TENM3: variants seen among roughly 807,000 people sequenced by gnomAD.
TENM3 encodes teneurin transmembrane protein 3.
A neutral mutation model predicts 255.1 loss-of-function variants in TENM3; 63 were observed. That is an observed-to-expected ratio of 0.25 (90% CI 0.20 to 0.30). The LOEUF (loss-of-function observed/expected upper bound fraction) is 0.30, where lower values mean the gene tolerates loss of function less well. Ranked by LOEUF, TENM3 falls within the 10% of genes least tolerant of loss-of-function variation. TENM3 has a pLI of 1.00. For missense variants in TENM3, 2,929 were observed against 3,461.1 expected (o/e 0.85, Z 3.86); for synonymous variants, 1,306 against 1,322.3 (o/e 0.99, Z 0.27).
chr4:182,354,127 GC>G (rs1254939787), intron 3 of TENM3, among the ~76,000 whole-genome samples: 14 of 152,258 alleles, frequency 9.2e-5, no homozygotes, highest in Non-Finnish European at 2.1e-4. Flanking sequence ...TTTTCAGAAA[GC>G]TTGGCAGTTT....
At chr4:181,544,431 A>AAAAAAAAAAAAAAAAAAAAAAC in the TENM3 span, among the ~76,000 whole-genome samples, 2 of 143,230 alleles carry the variant, frequency 1.4e-5, no homozygotes, top group African/African-American at 5.2e-5. Flanking sequence ...AAAAAAAAAA[A>AAAAAAAAAAAAAAAAAAAAAAC]AAAAACTATA....
chr4:182,055,993 G>T, the TENM3 span, among the ~76,000 whole-genome samples: 1 of 152,002 alleles, frequency 6.6e-6, no homozygotes, highest in African/African-American at 2.4e-5. Flanking sequence ...CACAAAAATT[G>T]GTTTTATAAA....
intron 1 of TENM3, among the ~76,000 whole-genome samples, chr4:182,218,691 C>T (rs1441951417): frequency 2.0e-5 from 3 of 152,098 alleles, no homozygotes; most frequent in East Asian, 3.9e-4. Flanking sequence ...ATTATACAAC[C>T]TCATTGATGA....
chr4:181,871,284 A>C, the TENM3 span, among the ~76,000 whole-genome samples: 1 of 151,996 alleles, frequency 6.6e-6, no homozygotes, highest in Non-Finnish European at 1.5e-5. Context: ...TCTATAAAAG[A>C]GCTTTTTGAG....
At chr4:182,278,854 A>G (rs1760182588) in intron 1 of TENM3, among the ~76,000 whole-genome samples, 1 of 152,180 alleles carries the variant, frequency 6.6e-6, no homozygotes, top group Non-Finnish European at 1.5e-5. Flanking sequence ...GATTTAAGAC[A>G]AAACCCTATG....
intron 3 of TENM3, among the ~76,000 whole-genome samples, chr4:182,411,944 A>C (rs1447213894): frequency 6.6e-6 from 1 of 152,226 alleles, no homozygotes; most frequent in Non-Finnish European, 1.5e-5. Flanking sequence ...CAGGAACTGA[A>C]GCTGAAGTGA....
chr4:181,993,402 A>C, the TENM3 span, among the ~76,000 whole-genome samples: 1 of 152,202 alleles, frequency 6.6e-6, no homozygotes, highest in Non-Finnish European at 1.5e-5. Flanking sequence ...ATAGCTTATC[A>C]AACATAAAAA....
At chr4:182,302,667 G>A (rs994881020) in intron 1 of TENM3, among the ~76,000 whole-genome samples, 1 of 152,150 alleles carries the variant, frequency 6.6e-6, no homozygotes, top group African/African-American at 2.4e-5. Context: ...TAAGGAGCGT[G>A]TGATAAATTT....
chr4:182,338,912 G>A (rs1764305261), intron 2 of TENM3, among the ~76,000 whole-genome samples: 1 of 152,164 alleles, frequency 6.6e-6, no homozygotes, highest in Non-Finnish European at 1.5e-5. Context: ...AGTCTTGGAT[G>A]CCATTATAGT....
At chr4:181,510,022 C>T in the TENM3 span, among the ~76,000 whole-genome samples, 3 of 152,316 alleles carry the variant, frequency 2.0e-5, no homozygotes, top group African/African-American at 7.2e-5. Context: ...TCGGTGTCAA[C>T]ATTTAATTTC....
chr4:182,555,274 C>T (rs1019762895), intron 3 of TENM3, among the ~76,000 whole-genome samples: 1 of 151,962 alleles, frequency 6.6e-6, no homozygotes, highest in Non-Finnish European at 1.5e-5. Context: ...TGACAACTAT[C>T]ATAGAGGTTT....
upstream of TENM3, among the ~76,000 whole-genome samples, chr4:182,240,680 G>A (rs1757195578): frequency 1.3e-5 from 2 of 152,292 alleles, no homozygotes; most frequent in East Asian, 3.9e-4. Flanking sequence ...CACGAGAGCA[G>A]GGAAAGGCAG....
At chr4:181,867,232 A>G in the TENM3 span, among the ~76,000 whole-genome samples, 1 of 151,990 alleles carries the variant, frequency 6.6e-6, no homozygotes, top group Non-Finnish European at 1.5e-5. Flanking sequence ...CCTCTGAAAA[A>G]TTTCTTCAAT....
chr4:181,574,111 G>A, the TENM3 span, among the ~76,000 whole-genome samples: 2 of 152,216 alleles, frequency 1.3e-5, no homozygotes, highest in African/African-American at 2.4e-5. Flanking sequence ...CAGTTCCACA[G>A]CTAACTCTGA....
chr4:181,748,306 A>C, the TENM3 span, among the ~76,000 whole-genome samples: 1 of 152,166 alleles, frequency 6.6e-6, no homozygotes, highest in Admixed American at 6.5e-5. Flanking sequence ...TCTCTTTTGC[A>C]TTCTCCGGTA....
At chr4:181,630,342 G>T in the TENM3 span, among the ~76,000 whole-genome samples, 1 of 152,022 alleles carries the variant, frequency 6.6e-6, no homozygotes, top group African/African-American at 2.4e-5. Context: ...ATCTCCTTCA[G>T]TTCTTCTCTG....
At chr4:182,303,765 G>A (rs1326420871) in intron 1 of TENM3, among the ~76,000 whole-genome samples, 12 of 152,006 alleles carry the variant, frequency 7.9e-5, no homozygotes, top group Non-Finnish European at 1.5e-4. Flanking sequence ...CATTTAATGA[G>A]GTACTCAATA....
chr4:181,563,004 G>A, the TENM3 span, among the ~76,000 whole-genome samples: 170 of 152,296 alleles, frequency 1.1e-3, no homozygotes, highest in Non-Finnish European at 1.6e-3. Context: ...AGTTGCGTAC[G>A]ATACTTTTGC....
intron 4 of TENM3, among the ~76,000 whole-genome samples, chr4:182,610,405 G>A (rs1450955619): frequency 2.6e-5 from 4 of 152,212 alleles, no homozygotes; most frequent in Admixed American, 6.5e-5. Context: ...ATCTGGCCAA[G>A]TGTGGTGGCT....
Sources: allele counts gnomAD v4.1 joint callset (sites outside exome capture counted in the v4.1 genomes callset), GRCh38; gene constraint gnomAD v4.1.1; transcripts MANE v1.5; gene names NCBI Gene and HGNC (gene_info 2026-07-23, HGNC 2026-07-21).